The following TXNDC8 variants were observed in gnomAD, a reference collection of about 807,000 sequenced individuals.
TXNDC8 encodes the protein thioredoxin domain containing 8, also known as thioredoxin domain-containing protein 8.
TXNDC8 carries 15 observed loss-of-function variants against 12.9 expected under a neutral mutation model. That is an observed-to-expected ratio of 1.16 (90% CI 0.78 to 1.79). TXNDC8 has a LOEUF of 1.79. Ranked by LOEUF, TXNDC8 falls within the 40% of genes most tolerant of loss-of-function variation. The pLI is 0.00. For missense variants in TXNDC8, 128 were observed against 113.2 expected, an observed-to-expected ratio of 1.13 and a Z score of -0.59; for synonymous variants, 40 against 35.4, an observed-to-expected ratio of 1.13 and a Z score of -0.46.
At chr9:110,327,107 T>C (rs1296195141) in intron 2 of TXNDC8, among the ~76,000 whole-genome samples, 1 of 152,082 alleles carries the variant, frequency 6.6e-6, no homozygotes, top group African/African-American at 2.4e-5. Flanking sequence ...AGCCAGACAA[T>C]AACACAGGTT....
At chr9:110,333,579 C>T (rs1449655572) in intron 2 of TXNDC8, among the ~76,000 whole-genome samples, 1 of 151,238 alleles carries the variant, frequency 6.6e-6, no homozygotes, top group African/African-American at 2.4e-5. Flanking sequence ...TCTTATCACA[C>T]ATACACACAC....
intron 3 of TXNDC8, among the ~76,000 whole-genome samples, chr9:110,318,455 G>A (rs1483820497): frequency 6.6e-6 from 1 of 152,136 alleles, no homozygotes; most frequent in Non-Finnish European, 1.5e-5. Context: ...TTTAAGGGGT[G>A]GCCAGGCGCG....
intron 3 of TXNDC8, among the ~76,000 whole-genome samples, chr9:110,306,941 T>A (rs1838491682): frequency 6.6e-6 from 1 of 151,910 alleles, no homozygotes; most frequent in Non-Finnish European, 1.5e-5. Flanking sequence ...TTCCATATAT[T>A]ATTTATTTAT....
intron 3 of TXNDC8, among the ~76,000 whole-genome samples, chr9:110,314,172 G>T (rs926381737): frequency 2.0e-5 from 3 of 152,012 alleles, no homozygotes; most frequent in Non-Finnish European, 4.4e-5. Flanking sequence ...CTCAAAGAAG[G>T]CAACCATTTG....
At chr9:110,317,001 C>G (rs1174994581) in intron 3 of TXNDC8, among the ~76,000 whole-genome samples, 1 of 152,202 alleles carries the variant, frequency 6.6e-6, no homozygotes, top group Non-Finnish European at 1.5e-5. Context: ...TGGGACTGTT[C>G]ACCGACTCTT....
chr9:110,326,154 C>T (rs772482748), intron 3 of TXNDC8, 21 bp downstream of exon 4: 1 of 1,613,754 alleles, frequency 6.2e-7, no homozygotes, highest in Admixed American at 1.7e-5. Context: ...TTCAACCCTG[C>T]TGGTTACCCT....
intron 3 of TXNDC8, among the ~76,000 whole-genome samples, chr9:110,309,240 C>T (rs1245497445): frequency 6.6e-6 from 1 of 152,184 alleles, no homozygotes; most frequent in Non-Finnish European, 1.5e-5. Flanking sequence ...AAAGTTGCCC[C>T]TGGGTGACTC....
Position 110,304,477 on chromosome 9 carries a change from A to C in TXNDC8, c.251T>G (p.Met84Arg), listed in dbSNP as rs753372068. The change falls in exon 4 of 5, where the codon ATG becomes AGG. Residue 84 changes from methionine to arginine, a missense_variant. By Grantham distance (91) the Met-to-Arg change is moderately conservative. Transcript: ENST00000423740. ...TCCCATTTCACTTACCAGGTTGCTCATGAATCCACTTCTATAACAGCAAAT... is the reference window on the plus strand; with the variant it reads ...TCCCATTTCACTTACCAGGTTGCTCCTGAATCCACTTCTATAACAGCAAAT... 8 of 1,610,134 alleles carry C rather than the reference A, an allele frequency of 5.0e-6. No homozygotes were observed. In the Admixed American group the frequency reaches 1.2e-4, roughly 24 times the overall value.
rs1273264084 is a variant in TXNDC8 at position 110,304,548 on chromosome 9, G to A, written c.196-16C>T. The A allele has an allele frequency of 6.3e-7, 1 of 1,594,808 alleles. No homozygotes were observed. Among genetic ancestry groups the A allele is most frequent in the Admixed American group, 1.7e-5 (1 of 59,014 alleles). On this transcript the variant is annotated splice_polypyrimidine_tract_variant and intron_variant, in intron 3 of 4. Coordinates refer to ENST00000423740, the MANE Select transcript of TXNDC8 (RefSeq NM_001286946.2). ...ATAGGGTTACCTAAGTGTGGGTGCA[G>A]AATTTCATAATTTATCTGAGTTGCC...
intron 3 of TXNDC8, among the ~76,000 whole-genome samples, chr9:110,315,013 C>T (rs1396018956): frequency 3.9e-5 from 6 of 152,132 alleles, no homozygotes. Flanking sequence ...GTTTTGAAGT[C>T]TTTTATTATG....
chr9:110,301,532 A>C (rs945841769), downstream of TXNDC8, among the ~76,000 whole-genome samples: 22 of 151,764 alleles, frequency 1.4e-4, no homozygotes, highest in African/African-American at 5.3e-4. Flanking sequence ...CCCCACCCTT[A>C]TAATAGGAGC....
rs570326119 is a variant in TXNDC8 at position 110,306,197 on chromosome 9, C to T, written c.196-1665G>A. Among the ~76,000 whole-genome samples, 14 of 152,270 alleles carry T rather than the reference C, an allele frequency of 9.2e-5. No individual in the cohort carries two copies. The South Asian group carries it at 2.9e-3, about 32-fold the overall frequency. On this transcript the variant is annotated intron_variant, in intron 3 of 4. Transcript: ENST00000423740. ...ATATTTTCAATTTATACTCTACCAG[C>T]AGAGGATGAGTGTTCTAGCTCTAGC...
Position 110,329,373 on chromosome 9 carries a change from A to T in TXNDC8, c.130-3133T>A, listed in dbSNP as rs10980325. ...ACTGGAAGTGTCTTTTCAGTAGAAA[A>T]GAAAATTGAACAGAAAGGCTGTTAA... On this transcript the variant is annotated intron_variant, in intron 2 of 4. Transcript: ENST00000423740. 211 of 1,091,076 alleles carry T rather than the reference A, an allele frequency of 1.9e-4. 1 individual carries two copies. The highest frequency in any genetic ancestry group is 5.3e-4 in the Middle Eastern group (2 of 3,766). 67.6% of individuals were successfully genotyped at this position (1,091,076 alleles called of 1,614,324 possible).
intron 3 of TXNDC8, among the ~76,000 whole-genome samples, chr9:110,305,983 C>T (rs766774121): frequency 2.6e-4 from 40 of 151,850 alleles, no homozygotes; most frequent in Admixed American, 5.9e-4. Flanking sequence ...CTCTGCCTCC[C>T]GGCTTCAAGC....
At chr9:110,335,953 AC>A (rs1839737016) in intron 1 of TXNDC8, among the ~76,000 whole-genome samples, 1 of 152,088 alleles carries the variant, frequency 6.6e-6, no homozygotes, top group South Asian at 2.1e-4. Flanking sequence ...CATGGGAGAG[AC>A]CTAGTGGGAG....
At position 110,321,724 on chromosome 9, in the gene TXNDC8, G is replaced by GAAAAAA. The variant is rs60564039; in HGVS notation, c.195+4445_195+4450dup. ...CGGACACCTTCCTAGTCAGTTCTAT[G>GAAAAAA]AAAAAAAAAAAAAAAGGAAATTTAT... On this transcript the variant is annotated intron_variant, in intron 3 of 4. Transcript: ENST00000423740. 4.9e-5 allele frequency among the ~76,000 whole-genome samples: 7 copies of GAAAAAA among 141,810 alleles called. No individual in the cohort carries two copies. In the East Asian group the frequency reaches 6.0e-4, roughly 12 times the overall value. 93.0% of individuals were successfully genotyped at this position (141,810 alleles called of 152,430 possible). A position where few individuals can be genotyped will look rare whatever the true frequency, so the allele number is the denominator to read the frequency against.
At position 110,323,932 on chromosome 9, in the gene TXNDC8, G is replaced by A. The variant is rs1471651940; in HGVS notation, c.195+2243C>T. The A allele has an allele frequency of 1.9e-6, 3 of 1,551,000 alleles. No homozygotes were observed. The South Asian group carries it at 3.6e-5, about 18-fold the overall frequency. Reference sequence around the variant, plus strand: ...GCTCTGGTTTGACTTGGATTGGCTTGACTGGAGTCAAGGGTCCATTTCTGA... The same window carrying A: ...GCTCTGGTTTGACTTGGATTGGCTTAACTGGAGTCAAGGGTCCATTTCTGA... On this transcript the variant is annotated intron_variant, in intron 3 of 4. Transcript: ENST00000423740.
intron 3 of TXNDC8, among the ~76,000 whole-genome samples, chr9:110,324,300 G>A (rs1038399215): frequency 1.3e-5 from 2 of 152,108 alleles, no homozygotes; most frequent in African/African-American, 2.4e-5. Flanking sequence ...AGTTGAGGGA[G>A]CATATGTTAA....
intron 3 of TXNDC8, 82 bp from the exon 5 acceptor site, chr9:110,304,614 T>A: frequency 2.3e-6 from 3 of 1,319,442 alleles, no homozygotes; most frequent in Non-Finnish European, 3.1e-6. Flanking sequence ...TCTTTTGGCC[T>A]TGGCCAGGGA....
Sources: gnomAD v4.1 joint callset for allele counts (sites outside exome capture counted in the v4.1 genomes callset) on GRCh38, gnomAD v4.1.1 for gene constraint, MANE v1.5 for transcripts, NCBI Gene and HGNC (gene_info 2026-07-23, HGNC 2026-07-21) for gene names.